The following EBF1 variants were observed in gnomAD, a reference collection of about 807,000 sequenced individuals.
EBF1 encodes the protein transcription factor COE1.
A neutral mutation model predicts 68.4 loss-of-function variants in EBF1; 10 were observed. That is an observed-to-expected ratio of 0.15 (90% CI 0.09 to 0.25). The LOEUF is 0.25. Among genes scored for constraint, EBF1 ranks in the 10% least tolerant of loss-of-function variants. The pLI, the probability that EBF1 is intolerant of heterozygous loss-of-function variation, is 1.00. For synonymous variants in EBF1, 298 were observed against 299.8 expected, an observed-to-expected ratio of 0.99 and a Z score of 0.06; for missense variants, 509 against 794.4, an observed-to-expected ratio of 0.64 and a Z score of 4.32.
Position 158,713,001 on chromosome 5 carries a change from A to C in EBF1, c.1338T>G (p.Asn446Lys), listed in dbSNP as rs1222759810. ...VNSFSGQLAVNVSEASQATNQ... is the reference protein window; with the variant it reads ...VNSFSGQLAVKVSEASQATNQ... Reference sequence around the variant, plus strand: ...TGGTGGCTTGTGATGCCTCGGAGACATTCACGGCCAGTTGTCCACTGAACG... The same window carrying C: ...TGGTGGCTTGTGATGCCTCGGAGACCTTCACGGCCAGTTGTCCACTGAACG... Residue 446 changes from asparagine to lysine, a missense_variant, in exon 13 of 16, where the codon AAT (asparagine) becomes AAG (lysine). Asn to Lys is a moderately conservative substitution (Grantham distance 94). Around this residue, in one of 3 missense-constraint regions of EBF1, gnomAD observed 205 missense variants for 247.4 expected, o/e 0.83. Transcript: ENST00000313708. The C allele has an allele frequency of 6.6e-7, 1 of 1,525,554 alleles. No individual in the cohort carries two copies. Among genetic ancestry groups the C allele is most frequent in the Non-Finnish European group, 8.9e-7 (1 of 1,128,484 alleles). The allele number at this position is 1,525,554 out of a possible 1,614,324, so 94.5% of individuals were successfully genotyped here. A position where few individuals can be genotyped will look rare whatever the true frequency, so the allele number is the denominator to read the frequency against.
At chr5:159,016,869 T>C (rs1481884461) in intron 6 of EBF1, among the ~76,000 whole-genome samples, 1 of 152,238 alleles carries the variant, frequency 6.6e-6, no homozygotes, top group Non-Finnish European at 1.5e-5. Context: ...GATAAGTTCA[T>C]GGTCCTTCAC....
chr5:158,925,213 C>A (rs539210022), intron 6 of EBF1, among the ~76,000 whole-genome samples: 18 of 152,274 alleles, frequency 1.2e-4, no homozygotes, highest in African/African-American at 3.6e-4. Context: ...CCATGAATCA[C>A]CTCTTTATGA....
intron 10 of EBF1, among the ~76,000 whole-genome samples, chr5:158,752,165 TA>T (rs1308930434): frequency 1.3e-5 from 2 of 152,110 alleles, no homozygotes; most frequent in African/African-American, 4.8e-5. Flanking sequence ...TCAAGTTGTC[TA>T]AATATGATTA....
intron 6 of EBF1, among the ~76,000 whole-genome samples, chr5:158,908,987 T>C (rs1441290010): frequency 6.6e-6 from 1 of 152,178 alleles, no homozygotes; most frequent in Non-Finnish European, 1.5e-5. Context: ...CTGCCGTCTG[T>C]ATTATTTAAA....
At chr5:158,729,883 G>A (rs766956432) in intron 11 of EBF1, among the ~76,000 whole-genome samples, 7 of 152,148 alleles carry the variant, frequency 4.6e-5, no homozygotes, top group Non-Finnish European at 7.3e-5. Flanking sequence ...CTCTCCATGC[G>A]CCTCACCTCT....
chr5:159,086,673 A>G (rs1047958093), intron 4 of EBF1, among the ~76,000 whole-genome samples: 1 of 152,148 alleles, frequency 6.6e-6, no homozygotes, highest in Admixed American at 6.5e-5. Flanking sequence ...ACTATTGGCA[A>G]CATAAATTCT....
intron 10 of EBF1, among the ~76,000 whole-genome samples, chr5:158,743,970 A>G (rs1293569869): frequency 6.6e-6 from 1 of 152,154 alleles, no homozygotes; most frequent in Non-Finnish European, 1.5e-5. Context: ...CAGGAGTTCA[A>G]GACCAGCCTG....
At chr5:158,793,055 G>C (rs1281800816) in intron 9 of EBF1, among the ~76,000 whole-genome samples, 1 of 152,178 alleles carries the variant, frequency 6.6e-6, no homozygotes, top group Non-Finnish European at 1.5e-5. Context: ...GGGTTGGACT[G>C]TTTGGGTTCA....
At chr5:158,802,760 C>G (rs1232640412) in intron 8 of EBF1, among the ~76,000 whole-genome samples, 1 of 152,094 alleles carries the variant, frequency 6.6e-6, no homozygotes, top group Non-Finnish European at 1.5e-5. Context: ...CATAAGGGCA[C>G]TCACCTCACA....
chr5:159,026,344 T>C (rs1326938278), intron 6 of EBF1, among the ~76,000 whole-genome samples: 2 of 152,032 alleles, frequency 1.3e-5, no homozygotes, highest in Non-Finnish European at 2.9e-5. Context: ...ACAAATAGCC[T>C]CAACTCAGGA....
intron 15 of EBF1, among the ~76,000 whole-genome samples, chr5:158,706,277 C>T (rs571292771): frequency 2.8e-5 from 4 of 143,384 alleles, no homozygotes; most frequent in African/African-American, 1.0e-4. Context: ...CTCTGTGGGG[C>T]GCTGAGTCTG....
intron 7 of EBF1, among the ~76,000 whole-genome samples, chr5:158,839,767 G>T (rs1789741988): frequency 6.6e-6 from 1 of 152,002 alleles, no homozygotes; most frequent in Non-Finnish European, 1.5e-5. Flanking sequence ...TAATCTGTGG[G>T]GGTTTAGGCA....
At chr5:159,041,118 G>A (rs528036532) in intron 6 of EBF1, among the ~76,000 whole-genome samples, 3 of 152,282 alleles carry the variant, frequency 2.0e-5, no homozygotes, top group African/African-American at 4.8e-5. Flanking sequence ...GGTACCCATC[G>A]TCACACACAT....
At chr5:159,005,826 G>A (rs1451301299) in intron 6 of EBF1, among the ~76,000 whole-genome samples, 1 of 152,140 alleles carries the variant, frequency 6.6e-6, no homozygotes, top group African/African-American at 2.4e-5. Context: ...AATTTTAGAA[G>A]TTTCACTGCC....
intron 6 of EBF1, among the ~76,000 whole-genome samples, chr5:158,950,328 A>G (rs1815690633): frequency 6.6e-6 from 1 of 152,244 alleles, no homozygotes; most frequent in Non-Finnish European, 1.5e-5. Flanking sequence ...TCCTAGAGTC[A>G]GTAGCCGATG....
chr5:159,052,631 A>C (rs1336843724), intron 6 of EBF1, among the ~76,000 whole-genome samples: 1 of 152,178 alleles, frequency 6.6e-6, no homozygotes, highest in Non-Finnish European at 1.5e-5. Flanking sequence ...AGCCATTCTA[A>C]GCTGGAATTC....
At chr5:158,842,274 GA>G (rs1243351974) in intron 6 of EBF1, among the ~76,000 whole-genome samples, 1 of 152,222 alleles carries the variant, frequency 6.6e-6, no homozygotes, top group African/African-American at 2.4e-5. Flanking sequence ...ATGGCTTTCA[GA>G]AACCATTTAA....
intron 6 of EBF1, among the ~76,000 whole-genome samples, chr5:158,846,801 C>T (rs1203112582): frequency 6.6e-6 from 1 of 152,234 alleles, no homozygotes; most frequent in African/African-American, 2.4e-5. Flanking sequence ...AGGTTGCTCA[C>T]TGCCGGGCTG....
chr5:158,730,365 C>T (rs1763852460), intron 11 of EBF1, among the ~76,000 whole-genome samples: 2 of 152,308 alleles, frequency 1.3e-5, no homozygotes, highest in South Asian at 4.1e-4. Flanking sequence ...TCCTCAGGTA[C>T]AGGGATGGGG....
Sources: gnomAD v4.1 joint callset for allele counts (sites outside exome capture counted in the v4.1 genomes callset) on GRCh38, gnomAD v4.1.1 for gene constraint, gnomAD v4.1.1 regional missense constraint, MANE v1.5 for transcripts, NCBI Gene and HGNC (gene_info 2026-07-23, HGNC 2026-07-21) for gene names.